Variants in UBE2E2 observed in about 807,000 individuals in gnomAD.
UBE2E2 encodes ubiquitin conjugating enzyme E2 E2.
A neutral mutation model predicts 24.7 loss-of-function variants in UBE2E2; 6 were observed. The observed-to-expected ratio is 0.24, with a 90% CI of 0.13 to 0.48. The LOEUF is 0.48. Among genes scored for constraint, UBE2E2 ranks in the 20% least tolerant of loss-of-function variants. The pLI, the probability that UBE2E2 is intolerant of heterozygous loss-of-function variation, is 0.99. For synonymous variants in UBE2E2, 104 were observed against 83.6 expected (o/e 1.24, Z -1.33); for missense variants, 169 against 245.0 (o/e 0.69, Z 2.07).
At chr3:23,482,353 G>A (rs1022592678) in intron 3 of UBE2E2, among the ~76,000 whole-genome samples, 6 of 152,030 alleles carry the variant, frequency 3.9e-5, no homozygotes, top group Admixed American at 2.0e-4. Context: ...GTAAACTTGC[G>A]TCTTCTGTTT....
chr3:23,464,851 CTTCT>C (rs1458917079), intron 3 of UBE2E2, among the ~76,000 whole-genome samples: 3 of 152,136 alleles, frequency 2.0e-5, no homozygotes, highest in Non-Finnish European at 4.4e-5. Flanking sequence ...TGAGAAAATG[CTTCT>C]TTAATTACTA....
At chr3:23,343,491 G>C (rs1158553514) in intron 3 of UBE2E2, among the ~76,000 whole-genome samples, 1 of 152,104 alleles carries the variant, frequency 6.6e-6, no homozygotes, top group South Asian at 2.1e-4. Context: ...CAGGAGAATC[G>C]CTTGAACCTG....
rs1255541249 is a variant in UBE2E2 at position 23,324,459 on chromosome 3, C to G, written c.227+107147C>G. On this transcript the variant is annotated intron_variant, in intron 3 of 5. Coordinates refer to ENST00000396703, the MANE Select transcript of UBE2E2 (RefSeq NM_152653.4). ...GTAATTAGTGTCTGGTAAACTGGCT[C>G]TTGTGTTTTCTCTGCCTTTCCTCTC... 7.2e-5 allele frequency among the ~76,000 whole-genome samples: 11 copies of G among 152,212 alleles called. No individual in the cohort carries two copies. The East Asian group carries it at 1.7e-3, about 24-fold the overall frequency.
At chr3:23,534,148 T>TTTTG in intron 5 of UBE2E2, 1 of 938,890 alleles carries the variant, frequency 1.1e-6, no homozygotes, top group Non-Finnish European at 1.3e-6. Context: ...TTTTTTTTTT[T>TTTTG]TGAGGTGATT....
chr3:23,536,732 G>C (rs545588234), intron 5 of UBE2E2, among the ~76,000 whole-genome samples: 2 of 152,162 alleles, frequency 1.3e-5, no homozygotes, highest in Admixed American at 1.3e-4. Flanking sequence ...ATTGTAGATG[G>C]GGAGGAATAT....
At chr3:23,254,968 A>T (rs1020559706) in intron 3 of UBE2E2, among the ~76,000 whole-genome samples, 3 of 152,008 alleles carry the variant, frequency 2.0e-5, no homozygotes, top group African/African-American at 7.3e-5. Context: ...AGAAGAAAGT[A>T]ATGAAAAGGA....
At chr3:23,452,066 T>C (rs1698572033) in intron 3 of UBE2E2, among the ~76,000 whole-genome samples, 1 of 152,186 alleles carries the variant, frequency 6.6e-6, no homozygotes, top group Non-Finnish European at 1.5e-5. Flanking sequence ...TTGAGATGTT[T>C]TTCTGGGCTT....
intron 2 of UBE2E2, among the ~76,000 whole-genome samples, chr3:23,209,844 G>T (rs1002156614): frequency 6.6e-6 from 1 of 152,144 alleles, no homozygotes; most frequent in African/African-American, 2.4e-5. Flanking sequence ...ATGGTGAGTG[G>T]TTATTCCAAG....
chr3:23,423,477 C>G (rs1272014579), intron 3 of UBE2E2, among the ~76,000 whole-genome samples: 1 of 152,170 alleles, frequency 6.6e-6, no homozygotes, highest in East Asian at 1.9e-4. Context: ...CTGTTTCTCT[C>G]ATAACCCTTG....
intron 4 of UBE2E2, among the ~76,000 whole-genome samples, chr3:23,517,988 A>G (rs1269958277): frequency 6.6e-6 from 1 of 152,100 alleles, no homozygotes; most frequent in African/African-American, 2.4e-5. Context: ...TTTTTTTCAC[A>G]CAATTCTGAG....
chr3:23,251,203 T>C (rs2125345808), intron 3 of UBE2E2, among the ~76,000 whole-genome samples: 1 of 152,292 alleles, frequency 6.6e-6, no homozygotes, highest in Admixed American at 6.5e-5. Flanking sequence ...TGAACCCTTC[T>C]GAAATGATCA....
intron 3 of UBE2E2, among the ~76,000 whole-genome samples, chr3:23,395,156 C>T (rs1177972957): frequency 2.0e-5 from 3 of 152,164 alleles, no homozygotes; most frequent in Admixed American, 6.6e-5. Flanking sequence ...ACCTTTATCC[C>T]TCACAGCTTC....
intron 3 of UBE2E2, among the ~76,000 whole-genome samples, chr3:23,256,201 C>T (rs1442646894): frequency 1.3e-5 from 2 of 152,148 alleles, no homozygotes; most frequent in Admixed American, 1.3e-4. Context: ...TTTTGGGATA[C>T]ACATGCTTTT....
intron 3 of UBE2E2, among the ~76,000 whole-genome samples, chr3:23,335,633 C>T (rs1575568455): frequency 6.6e-6 from 1 of 152,158 alleles, no homozygotes; most frequent in Non-Finnish European, 1.5e-5. Flanking sequence ...CTCCTGGGCT[C>T]AAGTGATCAT....
chr3:23,392,273 C>T (rs1696956931), intron 3 of UBE2E2, among the ~76,000 whole-genome samples: 1 of 152,176 alleles, frequency 6.6e-6, no homozygotes, highest in South Asian at 2.1e-4. Flanking sequence ...TACTCATTCA[C>T]TCAACAAATT....
chr3:23,328,676 G>A (rs1041684030), intron 3 of UBE2E2, among the ~76,000 whole-genome samples: 63 of 95,236 alleles, frequency 6.6e-4, no homozygotes, highest in African/African-American at 2.5e-3. Flanking sequence ...TTTTTTTTTT[G>A]TTTTGAGACG....
intron 3 of UBE2E2, among the ~76,000 whole-genome samples, chr3:23,448,083 T>G (rs368844016): frequency 1.3e-5 from 2 of 152,316 alleles, no homozygotes; most frequent in South Asian, 2.1e-4. Context: ...CAGTATTTTT[T>G]TTTCTAATGG....
intron 3 of UBE2E2, among the ~76,000 whole-genome samples, chr3:23,273,204 TCA>T (rs1393171579): frequency 6.6e-6 from 1 of 152,210 alleles, no homozygotes; most frequent in African/African-American, 2.4e-5. Flanking sequence ...TAGTAAATTC[TCA>T]CAAAAGTTGT....
chr3:23,331,089 A>G (rs1695047025), intron 3 of UBE2E2, among the ~76,000 whole-genome samples: 3 of 152,192 alleles, frequency 2.0e-5, no homozygotes, highest in Admixed American at 2.0e-4. Context: ...TTAAAAGTAA[A>G]TCAAAGCGAA....
Sources: gnomAD v4.1 joint callset for allele counts (sites outside exome capture counted in the v4.1 genomes callset) on GRCh38, gnomAD v4.1.1 for gene constraint, MANE v1.5 for transcripts, NCBI Gene and HGNC (gene_info 2026-07-23, HGNC 2026-07-21) for gene names.